Variants in MID1 observed in about 807,000 individuals in gnomAD.
The protein encoded by MID1 is midline 1.
In MID1, 7 loss-of-function variants were observed where a neutral mutation model predicts 40.4. The observed-to-expected ratio is 0.17, with a 90% CI of 0.10 to 0.33. MID1 has a LOEUF of 0.33. Among genes scored for constraint, MID1 ranks in the 10% least tolerant of loss-of-function variants. MID1 has a pLI of 1.00. For missense variants in MID1, 367 were observed against 558.5 expected (o/e 0.66, Z 3.46); for synonymous variants, 229 against 221.2 (o/e 1.04, Z -0.31).
At chrX:10,567,632 G>A (rs969513934) in intron 1 of MID1, 29 bp from the exon 2 acceptor site, 25 of 1,063,419 alleles carry the variant, frequency 2.4e-5, no homozygotes, top group African/African-American at 5.5e-5. Context: ...GATTTGATTA[G>A]GCACAGGGAG....
chrX:10,557,534 C>T (rs1033520911), intron 2 of MID1, among the ~76,000 whole-genome samples: 5 of 111,835 alleles, frequency 4.5e-5, no homozygotes, highest in Middle Eastern at 9.2e-3. Flanking sequence ...GTCACTAACC[C>T]ACTAGGTCAT....
At chrX:10,623,576 G>A (rs774652251), upstream of MID1, among the ~76,000 whole-genome samples, 16 of 111,989 alleles carry the variant, frequency 1.4e-4, no homozygotes, top group Admixed American at 4.7e-4. Flanking sequence ...GGATAGTCCT[G>A]GACAGGCAGC....
At chrX:10,790,262 A>G in intron 1 of MID1, among the ~76,000 whole-genome samples, 2 of 109,639 alleles carry the variant, frequency 1.8e-5, no homozygotes, top group Middle Eastern at 9.4e-3. Flanking sequence ...TCCCAGACTT[A>G]GCCTCCCAAG....
intron 1 of MID1, among the ~76,000 whole-genome samples, chrX:10,814,936 T>A (rs957395669): frequency 2.7e-5 from 3 of 111,385 alleles, no homozygotes; most frequent in South Asian, 7.6e-4. Context: ...GTTGGTTTAA[T>A]CCTTCATTTG....
intron 1 of MID1, among the ~76,000 whole-genome samples, chrX:10,598,068 T>G (rs765883230): frequency 1.8e-5 from 2 of 111,682 alleles, no homozygotes; most frequent in African/African-American, 3.3e-5. Context: ...TGCTGCCCTC[T>G]TGTGATGTCT....
intron 2 of MID1, among the ~76,000 whole-genome samples, chrX:10,523,668 A>T (rs901001079): frequency 8.9e-6 from 1 of 112,237 alleles, no homozygotes; most frequent in Admixed American, 9.4e-5. Context: ...GGTCATTTAT[A>T]GACATTTATG....
chrX:10,464,563 G>A (rs762836962), intron 7 of MID1, among the ~76,000 whole-genome samples: 24 of 111,819 alleles, frequency 2.1e-4, no homozygotes, highest in Non-Finnish European at 4.0e-4. Flanking sequence ...ACAGACAGGG[G>A]CTTAAAAAGA....
intron 1 of MID1, among the ~76,000 whole-genome samples, chrX:10,698,756 T>TTTCCTCC (rs1297058074): frequency 9.2e-6 from 1 of 108,724 alleles, no homozygotes; most frequent in Non-Finnish European, 1.9e-5. Flanking sequence ...AACACCGCAG[T>TTTCCTCC]TTCCTCCTTC....
chrX:10,573,086 T>C (rs1254202818), intron 1 of MID1, among the ~76,000 whole-genome samples: 1 of 112,654 alleles, frequency 8.9e-6, no homozygotes, highest in Non-Finnish European at 1.9e-5. Context: ...AGGCATTGGA[T>C]ACATCTTTTG....
intron 1 of MID1, among the ~76,000 whole-genome samples, chrX:10,718,442 T>C (rs1396998724): frequency 2.7e-5 from 3 of 111,222 alleles, no homozygotes; most frequent in Non-Finnish European, 5.7e-5. Context: ...AACTAGAAAA[T>C]CCGGAAGAAA....
At chrX:10,787,567 C>T (rs1432320767) in intron 1 of MID1, among the ~76,000 whole-genome samples, 1 of 52,873 alleles carries the variant, frequency 1.9e-5, no homozygotes, top group East Asian at 8.9e-4. Context: ...CCTCTCTTCT[C>T]TTCTCTTCTT....
At chrX:10,814,358 C>G (rs2044121055) in intron 1 of MID1, among the ~76,000 whole-genome samples, 1 of 111,097 alleles carries the variant, frequency 9.0e-6, no homozygotes, top group African/African-American at 3.3e-5. Flanking sequence ...AATTTTTGGC[C>G]ACCAGAATGA....
chrX:10,615,284 G>A (rs2147538732), intron 1 of MID1, among the ~76,000 whole-genome samples: 1 of 112,017 alleles, frequency 8.9e-6, no homozygotes, highest in African/African-American at 3.2e-5. Flanking sequence ...TTGAGGGCAG[G>A]GGCCTTACCA....
intron 1 of MID1, among the ~76,000 whole-genome samples, chrX:10,645,538 C>T (rs1936253517): frequency 8.9e-6 from 1 of 111,840 alleles, no homozygotes; most frequent in Non-Finnish European, 1.9e-5. Flanking sequence ...ACCTTTAGGT[C>T]GAGCTTAAAA....
At chrX:10,827,734 T>C (rs1049358491) in intron 1 of MID1, among the ~76,000 whole-genome samples, 1 of 111,597 alleles carries the variant, frequency 9.0e-6, no homozygotes, top group African/African-American at 3.3e-5. Context: ...GAATATAGTC[T>C]TGATCATCAC....
chrX:10,703,650 G>C (rs2043207002), intron 1 of MID1, among the ~76,000 whole-genome samples: 1 of 111,910 alleles, frequency 8.9e-6, no homozygotes, highest in Non-Finnish European at 1.9e-5. Context: ...CCGGGCGACA[G>C]AGTGAGAGTC....
intron 1 of MID1, among the ~76,000 whole-genome samples, chrX:10,724,594 A>G (rs916681): frequency 0.17 from 18,510 of 111,752 alleles, 2,430 homozygotes; most frequent in African/African-American, 0.45. Context: ...TCCCAACCGG[A>G]AAAAACTCTA....
intron 4 of MID1, among the ~76,000 whole-genome samples, chrX:10,494,186 CTATT>C (rs1931105969): frequency 8.9e-6 from 1 of 112,018 alleles, no homozygotes; most frequent in Non-Finnish European, 1.9e-5. Flanking sequence ...TTTGATTTCA[CTATT>C]TTTTAGATCA....
chrX:10,567,473 G>A lies in MID1; in HGVS notation c.75C>T (p.Cys25=), dbSNP rs140708189. The change falls in exon 2 of 10, where the codon TGC becomes TGT. Residue 25 remains cysteine, a synonymous_variant. Transcript: ENST00000317552. ...CGCAGTTGAAGCAGAGGCTGTGTGC[G>A]CAGGGCAGTAGAAGAGGGTCCTCAA... ...ELFEDPLLLP[C]AHSLCFNCAH... 3.1e-3 allele frequency: 3,718 copies of A among 1,209,695 alleles called. 11 individuals carry two copies. The highest frequency in any genetic ancestry group is 6.0e-3 in the Middle Eastern group (26 of 4,355).
Sources: gnomAD v4.1 joint callset for allele counts (sites outside exome capture counted in the v4.1 genomes callset) on GRCh38, gnomAD v4.1.1 for gene constraint, MANE v1.5 for transcripts, NCBI Gene and HGNC (gene_info 2026-07-23, HGNC 2026-07-21) for gene names.